PCK1: variants seen among roughly 807,000 people sequenced by gnomAD.
PCK1 encodes phosphoenolpyruvate carboxykinase, cytosolic [GTP].
Under a neutral mutation model 50.3 loss-of-function variants are expected in PCK1, and 44 were observed. That is an observed-to-expected ratio of 0.87 (90% confidence interval 0.69 to 1.12). PCK1 has a LOEUF of 1.12. Among genes scored for constraint, PCK1 ranks in the 50% most tolerant of loss-of-function variants. PCK1 has a pLI of 0.00. For synonymous variants in PCK1, 332 were observed against 314.3 expected, an observed-to-expected ratio of 1.06 and a Z score of -0.59; for missense variants, 790 against 815.0, an observed-to-expected ratio of 0.97 and a Z score of 0.37.
In PCK1 at chr20:57,564,614, G is replaced by C; in HGVS notation, c.1318+1G>C. The C allele has an allele frequency of 6.3e-7, 1 of 1,584,274 alleles. No homozygotes were observed. The highest frequency in any genetic ancestry group is 8.6e-7 in the Non-Finnish European group (1 of 1,164,514). On this transcript the variant is annotated splice_donor_variant, in intron 8 of 9. Coordinates refer to ENST00000319441, the MANE Select transcript of PCK1 (RefSeq NM_002591.4). LOFTEE classifies it high-confidence loss of function. ...ATCTTTGGAGGCCGTAGACCTGCTGGTGAGGCTCTCCTTCATTTAGGCTGG... is the reference window on the plus strand; with the variant it reads ...ATCTTTGGAGGCCGTAGACCTGCTGCTGAGGCTCTCCTTCATTTAGGCTGG...
In PCK1 at chr20:57,565,039, G is replaced by A. The variant is rs1279503169; in HGVS notation, c.1319-1G>A. 1.2e-6 allele frequency: 2 copies of A among 1,607,168 alleles called. No individual in the cohort carries two copies. The highest frequency in any genetic ancestry group is 1.7e-4 in the Middle Eastern group (1 of 6,042). ...ATTTCTCTTTTTTTTTCCTGCTAAA[G>A]GTGTCCCTCTAGTCTATGAAGCTCT... On this transcript the variant is annotated splice_acceptor_variant, in intron 8 of 9. Transcript: ENST00000319441. LOFTEE classifies it high-confidence loss of function.
chr20:57,566,991 C>T lies in PCK1; in HGVS notation c.*1187C>T, dbSNP rs1473264424. On this transcript the variant is annotated 3_prime_UTR_variant, in exon 10 of 10. Coordinates refer to ENST00000319441, the MANE Select transcript of PCK1 (RefSeq NM_002591.4). ...CCGGACATCATGCCAACACCATGGG[C>T]TGCCCGAGAAGAGAGGTGGGTGGTT... 6.6e-6 allele frequency: 1 copy of T among 152,256 alleles called. No individual in the cohort carries two copies. The highest frequency in any genetic ancestry group is 1.9e-4 in the East Asian group (1 of 5,196). The allele number at this position is 152,256 out of a possible 1,614,324, so 9.4% of individuals were successfully genotyped here.
rs943933790 is a variant in PCK1 at position 57,561,218 on chromosome 20, G to A, written c.-41+15G>A. ...AGAGAAGAAAGGTAAGTAGAGCTTT[G>A]CATTTACATTTTGAAAAATTACAAA... On this transcript the variant is annotated intron_variant, in intron 1 of 9. Coordinates refer to ENST00000319441, the MANE Select transcript of PCK1 (RefSeq NM_002591.4). 14 of 533,360 alleles carry A rather than the reference G, an allele frequency of 2.6e-5. No homozygotes were observed. Among genetic ancestry groups the A allele is most frequent in the Non-Finnish European group, 4.7e-5 (14 of 299,410 alleles). The allele number at this position is 533,360 out of a possible 1,614,324, so 33.0% of individuals were successfully genotyped here.
intron 9 of PCK1, 23 bp from the exon 10 acceptor site, chr20:57,565,327 T>C: frequency 4.4e-6 from 7 of 1,592,410 alleles, no homozygotes; most frequent in East Asian, 4.5e-5. Context: ...CATTTACTAA[T>C]GAACTCCCTC....
At position 57,561,365 on chromosome 20, in the gene PCK1, A is replaced by G; in HGVS notation, c.-40-7A>G. The G allele has an allele frequency of 7.9e-7, 1 of 1,271,538 alleles. No individual in the cohort carries two copies. Among genetic ancestry groups the G allele is most frequent in the Non-Finnish European group, 1.1e-6 (1 of 884,504 alleles). 78.8% of individuals were successfully genotyped at this position (1,271,538 alleles called of 1,614,324 possible). On this transcript the variant is annotated splice_region_variant and splice_polypyrimidine_tract_variant and intron_variant, in intron 1 of 9. Coordinates refer to ENST00000319441, the MANE Select transcript of PCK1 (RefSeq NM_002591.4). ...TTTGTTCAGGACGCTTGCGTTTTCTATTTCAGGTGACCTCACATTCGTGCC... is the reference window on the plus strand; with the variant it reads ...TTTGTTCAGGACGCTTGCGTTTTCTGTTTCAGGTGACCTCACATTCGTGCC...
chr20:57,564,732 G>A (rs961469701), intron 8 of PCK1, 119 bp downstream of exon 8: 6 of 902,768 alleles, frequency 6.6e-6, no homozygotes, highest in Non-Finnish European at 1.0e-5. Flanking sequence ...CCTTTCTTGA[G>A]CTTCCTTCCC....
rs267606015 is a variant in PCK1 at position 57,562,111 on chromosome 20, G to A, written c.265G>A (p.Glu89Lys). The A allele has an allele frequency of 2.2e-5, 35 of 1,614,178 alleles. No homozygotes were observed. The highest frequency in any genetic ancestry group is 7.7e-5 in the South Asian group (7 of 91,080). ...TGACCCCAGGGATGTGGCCAGGATC[G>A]AAAGCAAGACGGTTATCGTCACCCA... Reference protein sequence around the residue: ...LTDPRDVARIESKTVIVTQEQ... With the variant: ...LTDPRDVARIKSKTVIVTQEQ... The change falls in exon 3 of 10, where the codon GAA becomes AAA. Residue 89 changes from glutamate to lysine, a missense_variant. By Grantham distance (56) the Glu-to-Lys change is moderately conservative (BLOSUM62 1). Coordinates refer to ENST00000319441, the MANE Select transcript of PCK1 (RefSeq NM_002591.4).
In PCK1 at chr20:57,563,078, C is replaced by T. The variant is rs1424827116; in HGVS notation, c.661C>T (p.His221Tyr). Residue 221 changes from histidine (H) to tyrosine (Y), a missense_variant, in exon 5 of 10, where the codon CAC becomes TAC. His to Tyr is a moderately conservative substitution (Grantham distance 83). Transcript: ENST00000319441. ...CAACCCGGAGCTGACGCTCATCGCC[C>T]ACCTGCCTGACCGCAGAGAGATCAT... ...PCNPELTLIA[H>Y]LPDRREIISF... 6.2e-7 allele frequency: 1 copy of T among 1,614,014 alleles called. No individual in the cohort carries two copies. Among genetic ancestry groups the T allele is most frequent in the Non-Finnish European group, 8.5e-7 (1 of 1,180,032 alleles).
chr20:57,562,148 A>C lies in PCK1; in HGVS notation c.302A>C (p.Asp101Ala). 1 of 1,614,162 alleles carries C rather than the reference A, an allele frequency of 6.2e-7. No individual in the cohort carries two copies. Among genetic ancestry groups the C allele is most frequent in the Non-Finnish European group, 8.5e-7 (1 of 1,179,998 alleles). Residue 101 changes from aspartate to alanine, a missense_variant, in exon 3 of 10, where the codon GAC becomes GCC. By Grantham distance (126) the Asp-to-Ala change is moderately radical (BLOSUM62 -2). Coordinates refer to ENST00000319441, the MANE Select transcript of PCK1 (RefSeq NM_002591.4). ...GTTATCGTCACCCAAGAGCAAAGAG[A>C]CACAGTGCCCATCCCCAAAACAGGC... ...KTVIVTQEQR[D>A]TVPIPKTGLS... is the part of the protein sequence containing the mutation.
rs747438321 is a variant in PCK1 at position 57,563,721 on chromosome 20, G to A, written c.955G>A (p.Ala319Thr). 1.5e-5 allele frequency: 24 copies of A among 1,607,786 alleles called. No homozygotes were observed. Among genetic ancestry groups the A allele is most frequent in the South Asian group, 8.9e-5 (8 of 90,000 alleles). ...GDDIAWMKFD[A>T]QGHLRAINPE... ...TGACATTGCCTGGATGAAGTTTGAC[G>A]CACAAGGTGACTCTTTTAGACCCAA... Residue 319 changes from alanine (A) to threonine (T), a missense_variant, in exon 6 of 10, where the codon GCA (alanine) becomes ACA (threonine). Coordinates refer to ENST00000319441, the MANE Select transcript of PCK1 (RefSeq NM_002591.4).
rs745305712 is a variant in PCK1, at chr20:57,562,740, T to A, written c.451T>A (p.Ser151Thr). The A allele has an allele frequency of 1.1e-5, 17 of 1,614,018 alleles. 1 individual carries two copies. In the South Asian group the frequency reaches 1.9e-4, roughly 18 times the overall value. The stretch of plus-strand genomic sequence containing the variant: ...CCCATTCAGCATGGGGCCGCTGGGC[T>A]CGCCTCTGTCAAAGATCGGCATCGA... ...VIPFSMGPLG[S>T]PLSKIGIELT... Residue 151 changes from serine to threonine, a missense_variant, in exon 4 of 10, where the codon TCG becomes ACG. Coordinates refer to ENST00000319441, the MANE Select transcript of PCK1 (RefSeq NM_002591.4).
intron 9 of PCK1, 49 bp downstream of exon 9, chr20:57,565,184 C>A (rs766688514): frequency 1.9e-5 from 27 of 1,386,588 alleles, no homozygotes; most frequent in Admixed American, 8.4e-5. Context: ...GATTAGAGCA[C>A]TCTTCGTCAC....
At chr20:57,561,994 A>T in intron 2 of PCK1, 77 bp from the exon 3 acceptor site, 2 of 1,241,458 alleles carry the variant, frequency 1.6e-6, no homozygotes, top group Non-Finnish European at 2.3e-6. Flanking sequence ...TCTGCTAGGC[A>T]TGGAAAGCCA....
intron 1 of PCK1, 34 bp from the exon 2 acceptor site, chr20:57,561,337 GT>G: frequency 1.1e-6 from 1 of 937,166 alleles, no homozygotes; most frequent in Non-Finnish European, 1.7e-6. Context: ...GTCTGTTGTT[GT>G]TTTTGTTCAG....
intron 3 of PCK1, 150 bp downstream of exon 3, chr20:57,562,402 T>G (rs781323533): frequency 2.9e-6 from 2 of 690,180 alleles, no homozygotes; most frequent in Non-Finnish European, 4.8e-6. Context: ...GTATTGAAAA[T>G]GCACATCCCT....
Position 57,562,026 on chromosome 20 carries a change from G to A in PCK1, c.225-45G>A, listed in dbSNP as rs181554736. 1.1e-3 allele frequency: 1,700 copies of A among 1,563,744 alleles called. 6 individuals carry two copies. The highest frequency in any genetic ancestry group is 6.7e-3 in the Middle Eastern group (35 of 5,246). On this transcript the variant is annotated intron_variant, in intron 2 of 9. Transcript: ENST00000319441. ...GCCACGGTACTGAAGGAGATGGTTC[G>A]CTGCCCGTGGTGCTTGGCTGAAAGG...
At position 57,565,596 on chromosome 20, in the gene PCK1, C is replaced by G. The variant is rs1275134005; in HGVS notation, c.1661C>G (p.Pro554Arg). ...GGAAAAGCCAGCACCAAGCTCACGC[C>G]CATAGGCTACATCCCCAAGGAGGAT... ...IDGKASTKLT[P>R]IGYIPKEDAL... Residue 554 changes from proline to arginine, a missense_variant, in exon 10 of 10, where the codon CCC becomes CGC. By Grantham distance (103) the Pro-to-Arg change is moderately radical. Transcript: ENST00000319441. 1.2e-6 allele frequency: 2 copies of G among 1,614,042 alleles called. No individual in the cohort carries two copies. The highest frequency in any genetic ancestry group is 1.7e-6 in the Non-Finnish European group (2 of 1,180,036).
In PCK1 at chr20:57,567,966, T is replaced by A. The variant is rs1166429447; in HGVS notation, c.*2162T>A. 1 of 151,970 alleles carries A rather than the reference T, an allele frequency of 6.6e-6. No homozygotes were observed. The highest frequency in any genetic ancestry group is 2.4e-5 in the African/African-American group (1 of 41,364). 9.4% of individuals were successfully genotyped at this position (151,970 alleles called of 1,614,324 possible). A position where few individuals can be genotyped will look rare whatever the true frequency, so the allele number is the denominator to read the frequency against. On this transcript the variant is annotated 3_prime_UTR_variant, in exon 10 of 10. Transcript: ENST00000319441. The stretch of plus-strand genomic sequence containing the variant: ...GTGACTTACATACACAGCATAAGAG[T>A]TTTCAGGAGACCAAAAAGATTCAAT...
In PCK1 at chr20:57,561,537, C is replaced by T. The variant is rs140637111; in HGVS notation, c.126C>T (p.His42=). 10 of 1,613,864 alleles carry T rather than the reference C, an allele frequency of 6.2e-6. No individual in the cohort carries two copies. The Admixed American group carries it at 1.2e-4, about 19-fold the overall frequency. The change falls in exon 2 of 10, where the codon CAC becomes CAT. Residue 42 remains histidine, a synonymous_variant. Transcript: ENST00000319441. ...ENNAELCQPD[H]IHICDGSEEE... is the part of the protein sequence containing the mutation. ...ACGCTGAGCTGTGTCAGCCTGATCA[C>T]ATCCACATCTGTGACGGCTCTGAGG...
Sources: gnomAD v4.1 joint callset for allele counts on GRCh38, gnomAD v4.1.1 for gene constraint, MANE v1.5 for transcripts, NCBI Gene and HGNC (gene_info 2026-07-23, HGNC 2026-07-21) for gene names.